IMPG2: variants seen among roughly 807,000 people sequenced by gnomAD.
The protein encoded by IMPG2 is interphotoreceptor matrix proteoglycan 2, also known as IPM 200.
IMPG2 carries 91 observed loss-of-function variants against 129.2 expected under a neutral mutation model. The observed-to-expected ratio is 0.70, with a 90% CI of 0.59 to 0.84. The LOEUF (loss-of-function observed/expected upper bound fraction) is 0.84, where lower values mean the gene tolerates loss of function less well. IMPG2 is among the 40% of genes least tolerant of loss of function. The pLI is 0.00. For synonymous variants in IMPG2, 510 were observed against 517.7 expected (o/e 0.99, Z 0.20); for missense variants, 1,430 against 1,461.7 (o/e 0.98, Z 0.35).
intron 9 of IMPG2, among the ~76,000 whole-genome samples, chr3:101,261,554 T>C (rs1488850982): frequency 6.6e-6 from 1 of 152,190 alleles, no homozygotes; most frequent in East Asian, 1.9e-4. Context: ...AATATAATAC[T>C]TCTATTATAA....
intron 2 of IMPG2, among the ~76,000 whole-genome samples, chr3:101,314,682 G>A (rs577730550): frequency 6.6e-6 from 1 of 152,014 alleles, no homozygotes; most frequent in Admixed American, 6.6e-5. Flanking sequence ...AATTATTGTG[G>A]TTAATACTAT....
At chr3:101,309,548 T>A (rs1576772429) in intron 2 of IMPG2, among the ~76,000 whole-genome samples, 1 of 152,104 alleles carries the variant, frequency 6.6e-6, no homozygotes, top group African/African-American at 2.4e-5. Flanking sequence ...ACAGATCTCA[T>A]GAGAACTTGC....
At chr3:101,267,594 A>G in intron 8 of IMPG2, 63 bp from the exon 9 acceptor site, 1 of 1,312,162 alleles carries the variant, frequency 7.6e-7, no homozygotes, top group South Asian at 1.2e-5. Flanking sequence ...CACATCATTC[A>G]TCAAAGTGCA....
rs1374790005 is a variant in IMPG2, at chr3:101,244,353, G to C, written c.1978C>G (p.Gln660Glu). 1 of 1,613,880 alleles carries C rather than the reference G, an allele frequency of 6.2e-7. No individual in the cohort carries two copies. Among genetic ancestry groups the C allele is most frequent in the East Asian group, 2.2e-5 (1 of 44,886 alleles). ...TCATATTTTGAGTGCTTACTAATTT[G>C]GTCTGTGGAATCCATTTTGTCAACT... ...VLVDKMDSTD[Q>E]ISKHSKYEHD... Residue 660 changes from glutamine to glutamate, a missense_variant, in exon 13 of 19, where the codon CAA becomes GAA. Transcript: ENST00000193391.
At chr3:101,236,041 C>G (rs756977433) in intron 14 of IMPG2, among the ~76,000 whole-genome samples, 1 of 152,192 alleles carries the variant, frequency 6.6e-6, no homozygotes, top group Non-Finnish European at 1.5e-5. Flanking sequence ...TTCTCCATTA[C>G]CTTCATTCCA....
chr3:101,253,835 G>T, intron 10 of IMPG2, 54 bp from the exon 11 acceptor site: 1 of 1,220,664 alleles, frequency 8.2e-7, no homozygotes, highest in Non-Finnish European at 1.2e-6. Context: ...TATTGTATTT[G>T]AGGTGCAGGG....
Position 101,228,902 on chromosome 3 carries a change from CACACATTGCATTAGAAAAACCTCA to C in IMPG2, c.3634-50_3634-27del, listed in dbSNP as rs1325474261. The C allele has an allele frequency of 2.6e-6, 4 of 1,538,164 alleles. No individual in the cohort carries two copies. In the African/African-American group the frequency reaches 5.4e-5, roughly 21 times the overall value. ...CTTAAACAAAAAAGAAACAATAGGCCACACATTGCATTAGAAAAACCTCAACAGCCTTTTAAAAGGGGTTCTAAT... is the reference window on the plus strand; with the variant it reads ...CTTAAACAAAAAAGAAACAATAGGCCACAGCCTTTTAAAAGGGGTTCTAAT... On this transcript the variant is annotated intron_variant, in intron 17 of 18. Coordinates refer to ENST00000193391, the MANE Select transcript of IMPG2 (RefSeq NM_016247.4).
intron 14 of IMPG2, among the ~76,000 whole-genome samples, chr3:101,233,267 T>C (rs1206499682): frequency 1.3e-5 from 2 of 152,210 alleles, no homozygotes; most frequent in African/African-American, 2.4e-5. Context: ...ATGTAGAAGC[T>C]TTAGAAATCC....
chr3:101,268,620 C>CATATATAT (rs10631743), intron 8 of IMPG2, among the ~76,000 whole-genome samples: 6 of 149,698 alleles, frequency 4.0e-5, no homozygotes, highest in African/African-American at 1.5e-4. Context: ...TGTAAATATA[C>CATATATAT]ATATATATAT....
intron 13 of IMPG2, 110 bp from the exon 14 acceptor site, chr3:101,243,017 T>C: frequency 1.2e-6 from 1 of 828,416 alleles, no homozygotes; most frequent in Non-Finnish European, 2.0e-6. Context: ...TCACTTTTCC[T>C]AATTGTATTT....
rs1229588861 is a variant in IMPG2, at chr3:101,232,888, G to A, written c.3126C>T (p.Tyr1042=). ...GEAKCRCFPG[Y]LSVEERPCQS... ...GACAGGGCCGTTCTTCCACACTCAG[G>A]TATCCAGGGAAGCATCTGCACTTTG... The change falls in exon 15 of 19, where the codon TAC becomes TAT. Residue 1042 remains tyrosine (Y), a synonymous_variant. Transcript: ENST00000193391. The A allele has an allele frequency of 1.2e-6, 2 of 1,613,804 alleles. No individual in the cohort carries two copies. The highest frequency in any genetic ancestry group is 1.7e-6 in the Non-Finnish European group (2 of 1,179,962).
At chr3:101,302,373 A>T (rs898726808) in intron 3 of IMPG2, among the ~76,000 whole-genome samples, 2 of 152,218 alleles carry the variant, frequency 1.3e-5, no homozygotes, top group African/African-American at 4.8e-5. Flanking sequence ...CAATGCAATT[A>T]GAAATATAAG....
chr3:101,267,131 G>T (rs1287003719), intron 9 of IMPG2, among the ~76,000 whole-genome samples: 1 of 151,830 alleles, frequency 6.6e-6, no homozygotes, highest in Non-Finnish European at 1.5e-5. Context: ...AAGAGTTACT[G>T]AATATTACAT....
At chr3:101,273,080 T>C (rs917418401) in intron 7 of IMPG2, among the ~76,000 whole-genome samples, 1 of 152,176 alleles carries the variant, frequency 6.6e-6, no homozygotes. Flanking sequence ...TTTTTAAAAA[T>C]ACCTCCAACC....
At position 101,225,640 on chromosome 3, in the gene IMPG2, A is replaced by ATAACCAG. The variant is rs1188814060; in HGVS notation, c.*1328_*1329insCTGGTTA. The ATAACCAG allele has an allele frequency of 3.3e-5, 5 of 152,220 alleles. No homozygotes were observed. Among genetic ancestry groups the ATAACCAG allele is most frequent in the Non-Finnish European group, 7.3e-5 (5 of 68,030 alleles). The allele number at this position is 152,220 out of a possible 1,614,324, so 9.4% of individuals were successfully genotyped here. A position where few individuals can be genotyped will look rare whatever the true frequency, so the allele number is the denominator to read the frequency against. On this transcript the variant is annotated 3_prime_UTR_variant, in exon 19 of 19. Transcript: ENST00000193391. ...TATGGTCAGTTTATACTGGTTATTT[A>ATAACCAG]TATCTGGTCAGAAATAAATCAAAAT...
intron 3 of IMPG2, among the ~76,000 whole-genome samples, chr3:101,297,261 TTG>T (rs1443608024): frequency 6.6e-6 from 1 of 152,224 alleles, no homozygotes; most frequent in Non-Finnish European, 1.5e-5. Flanking sequence ...TCATTATTTA[TTG>T]TGTCTATTTG....
chr3:101,244,112 T>A lies in IMPG2; in HGVS notation c.2219A>T (p.Asp740Val), dbSNP rs776598377. The A allele has an allele frequency of 3.1e-6, 5 of 1,614,000 alleles. No homozygotes were observed. The highest frequency in any genetic ancestry group is 1.3e-5 in the African/African-American group (1 of 74,940). The change falls in exon 13 of 19, where the codon GAT (aspartate) becomes GTT (valine). Residue 740 changes from aspartate (D) to valine (V), a missense_variant. By Grantham distance (152) the Asp-to-Val change is radical. Transcript: ENST00000193391. Reference sequence around the variant, plus strand: ...TTCCATATCCTCCCTTAGGATGGCATCTGCCTGATCTGATTTATCAGTAGA... The same window carrying A: ...TTCCATATCCTCCCTTAGGATGGCAACTGCCTGATCTGATTTATCAGTAGA... The part of the protein sequence containing the change: ...SASTDKSDQA[D>V]AILREDMEQI...
intron 17 of IMPG2, 105 bp downstream of exon 17, chr3:101,229,275 T>A (rs1706257019): frequency 2.1e-6 from 2 of 952,346 alleles, no homozygotes; most frequent in Non-Finnish European, 3.4e-6. Flanking sequence ...AAAGTCCATG[T>A]GCATGCACAC....
At chr3:101,227,655 C>T in intron 18 of IMPG2, 2 of 359,068 alleles carry the variant, frequency 5.6e-6, no homozygotes, top group East Asian at 1.5e-4. Flanking sequence ...TGAATGGATT[C>T]TCTGGTTTAA....
Sources: allele counts gnomAD v4.1 joint callset (sites outside exome capture counted in the v4.1 genomes callset), GRCh38; gene constraint gnomAD v4.1.1; transcripts MANE v1.5; gene names NCBI Gene and HGNC (gene_info 2026-07-23, HGNC 2026-07-21).